ARHGAP15: variants seen among roughly 807,000 people sequenced by gnomAD.
ARHGAP15 encodes rho GTPase-activating protein 15.
Under a neutral mutation model 63.7 loss-of-function variants are expected in ARHGAP15, and 51 were observed. The observed-to-expected ratio is 0.80, with a 90% CI of 0.64 to 1.01. ARHGAP15 has a LOEUF of 1.01. Among genes scored for constraint, ARHGAP15 ranks in the 50% least tolerant of loss-of-function variants. The pLI is 0.00. For missense variants in ARHGAP15, 560 were observed against 564.6 expected (o/e 0.99, Z 0.08); for synonymous variants, 191 against 193.8 (o/e 0.99, Z 0.12).
At chr2:143,691,068 C>G (rs748212198) in intron 12 of ARHGAP15, among the ~76,000 whole-genome samples, 1 of 152,108 alleles carries the variant, frequency 6.6e-6, no homozygotes, top group Non-Finnish European at 1.5e-5. Context: ...AACTCACAGT[C>G]CCTCATCTTT....
At chr2:143,397,650 TAACA>T (rs1687830398) in intron 6 of ARHGAP15, among the ~76,000 whole-genome samples, 1 of 152,062 alleles carries the variant, frequency 6.6e-6, no homozygotes, top group African/African-American at 2.4e-5. Context: ...AATAGCAATT[TAACA>T]AAACCTAACA....
At chr2:143,153,864 C>CTCCTCCTCCTCT (rs1558779752) in intron 1 of ARHGAP15, among the ~76,000 whole-genome samples, 1 of 82,242 alleles carries the variant, frequency 1.2e-5, no homozygotes, top group Non-Finnish European at 2.9e-5. Flanking sequence ...CCTCCTCCTC[C>CTCCTCCTCCTCT]TCCTCCTCTT....
At chr2:143,281,482 A>C (rs1681846261) in intron 6 of ARHGAP15, among the ~76,000 whole-genome samples, 1 of 152,144 alleles carries the variant, frequency 6.6e-6, no homozygotes, top group African/African-American at 2.4e-5. Context: ...TTAAAAATAG[A>C]AACATGCTTC....
intron 6 of ARHGAP15, among the ~76,000 whole-genome samples, chr2:143,346,234 TCTCACACACACACA>T (rs1371438026): frequency 7.6e-5 from 6 of 79,136 alleles, no homozygotes; most frequent in African/African-American, 2.1e-4. Flanking sequence ...ACACACTCTC[TCTCACACACACACA>T]CTCACACACA....
At chr2:143,336,093 C>T (rs1006296521) in intron 6 of ARHGAP15, among the ~76,000 whole-genome samples, 6 of 152,118 alleles carry the variant, frequency 3.9e-5, no homozygotes, top group African/African-American at 1.4e-4. Context: ...CTCGACCTCC[C>T]AGGCTCAAGC....
At chr2:143,367,529 T>C (rs1422964429) in intron 6 of ARHGAP15, among the ~76,000 whole-genome samples, 1 of 152,052 alleles carries the variant, frequency 6.6e-6, no homozygotes, top group Non-Finnish European at 1.5e-5. Context: ...CATTTTTATT[T>C]CCAGTATATT....
intron 2 of ARHGAP15, among the ~76,000 whole-genome samples, chr2:143,192,274 T>C (rs960934086): frequency 6.6e-6 from 1 of 152,254 alleles, no homozygotes; most frequent in African/African-American, 2.4e-5. Flanking sequence ...ATGTTGGCAC[T>C]GTATAAAGAC....
rs543811174 is a variant in ARHGAP15, at chr2:143,577,196, G to T, written c.1003+20711G>T. On this transcript the variant is annotated intron_variant, in intron 11 of 13. Coordinates refer to ENST00000295095, the MANE Select transcript of ARHGAP15 (RefSeq NM_018460.4). ...CCATCTGCACCACATTTCAATATTT[G>T]ACTTAAGTCATCTGTTGACTTTGAA... 4.5e-4 allele frequency among the ~76,000 whole-genome samples: 69 copies of T among 152,142 alleles called. 2 individuals are homozygous for T. The South Asian group carries it at 0.014, about 31-fold the overall frequency.
intron 6 of ARHGAP15, among the ~76,000 whole-genome samples, chr2:143,347,865 G>A (rs1024633073): frequency 6.7e-6 from 1 of 149,968 alleles, no homozygotes; most frequent in African/African-American, 2.5e-5. Flanking sequence ...GAAGATAAAT[G>A]GTAAGAATCC....
At chr2:143,561,517 T>A (rs1354633701) in intron 11 of ARHGAP15, among the ~76,000 whole-genome samples, 3 of 38,786 alleles carry the variant, frequency 7.7e-5, no homozygotes, top group Non-Finnish European at 2.7e-4. Flanking sequence ...TTCTTTTTCT[T>A]TTTTTTTTTT....
At chr2:143,143,223 A>T (rs2104991640) in intron 1 of ARHGAP15, among the ~76,000 whole-genome samples, 1 of 152,188 alleles carries the variant, frequency 6.6e-6, no homozygotes, top group South Asian at 2.1e-4. Flanking sequence ...TCCCCCAGAT[A>T]GCTCCTATAT....
chr2:143,553,829 C>T lies in ARHGAP15; in HGVS notation c.926-2579C>T, dbSNP rs949571741. Among the ~76,000 whole-genome samples, 6 of 152,094 alleles carry T rather than the reference C, an allele frequency of 3.9e-5. No homozygotes were observed. The South Asian group carries it at 1.2e-3, about 32-fold the overall frequency. ...TACAGGGAATTTCATCAGTTAAAAA[C>T]CAGTTTACAATTCTATGCATTTCAA... On this transcript the variant is annotated intron_variant, in intron 10 of 13. Transcript: ENST00000295095.
chr2:143,663,491 G>A (rs1381137052), intron 12 of ARHGAP15, among the ~76,000 whole-genome samples: 80 of 144,760 alleles, frequency 5.5e-4, no homozygotes, highest in African/African-American at 1.9e-3. Flanking sequence ...TCAAGACTAG[G>A]AAGAAACTGC....
Position 143,438,261 on chromosome 2 carries a change from A to G in ARHGAP15, c.703+1219A>G, listed in dbSNP as rs187512905. ...ATGGAATATATGTGTACATATATAC[A>G]TATATACATACACATACACACGTAT... On this transcript the variant is annotated intron_variant, in intron 8 of 13. Transcript: ENST00000295095. Among the ~76,000 whole-genome samples the G allele has an allele frequency of 1.6e-4, 25 of 152,264 alleles. No homozygotes were observed. The East Asian group carries it at 4.8e-3, about 29-fold the overall frequency.
Position 143,132,844 on chromosome 2 carries a change from G to A in ARHGAP15, c.-15+3378G>A, listed in dbSNP as rs116603357. Among the ~76,000 whole-genome samples the A allele has an allele frequency of 5.3e-3, 802 of 152,320 alleles. 4 individuals carry two copies. The highest frequency in any genetic ancestry group is 0.019 in the African/African-American group (775 of 41,574). ...TACAAAAATACAGTTTTAATTGAAA[G>A]GCGGATCTGATTGAAACATGAGTTT... On this transcript the variant is annotated intron_variant, in intron 1 of 13. Transcript: ENST00000295095.
At chr2:143,395,231 T>C (rs1687708788) in intron 6 of ARHGAP15, among the ~76,000 whole-genome samples, 1 of 152,074 alleles carries the variant, frequency 6.6e-6, no homozygotes, top group Non-Finnish European at 1.5e-5. Context: ...GAGGGGAGCA[T>C]TTCAGCTTGA....
intron 11 of ARHGAP15, among the ~76,000 whole-genome samples, chr2:143,571,064 A>G (rs1559056894): frequency 6.6e-6 from 1 of 152,194 alleles, no homozygotes; most frequent in Non-Finnish European, 1.5e-5. Flanking sequence ...TACAAACCCT[A>G]TTGCAAACTG....
At chr2:143,654,406 G>C (rs1297565059) in intron 12 of ARHGAP15, among the ~76,000 whole-genome samples, 1 of 152,058 alleles carries the variant, frequency 6.6e-6, no homozygotes, top group Non-Finnish European at 1.5e-5. Context: ...AATATACTTA[G>C]GTTTGTGATA....
chr2:143,295,640 A>G (rs940238230), intron 6 of ARHGAP15: 8 of 152,058 alleles, frequency 5.3e-5, no homozygotes, highest in Admixed American at 3.9e-4. Flanking sequence ...AAGGAAGCTG[A>G]GAACAAAGTT....
Sources: gnomAD v4.1 joint callset for allele counts (sites outside exome capture counted in the v4.1 genomes callset) on GRCh38, gnomAD v4.1.1 for gene constraint, MANE v1.5 for transcripts, NCBI Gene and HGNC (gene_info 2026-07-23, HGNC 2026-07-21) for gene names.